The following RXRA variants were observed in gnomAD, a reference collection of about 807,000 sequenced individuals.
The protein encoded by RXRA is retinoid X receptor alpha, also known as retinoic acid receptor RXR-alpha.
In RXRA, 5 loss-of-function variants were observed where a neutral mutation model predicts 44.5. The observed-to-expected ratio is 0.11, with a 90% CI of 0.06 to 0.24. RXRA has a LOEUF of 0.24. Among genes scored for constraint, RXRA ranks in the 10% least tolerant of loss-of-function variants. The pLI is 1.00. For synonymous variants in RXRA, 291 were observed against 271.4 expected, an observed-to-expected ratio of 1.07 and a Z score of -0.71; for missense variants, 412 against 646.5, an observed-to-expected ratio of 0.64 and a Z score of 3.93.
chr9:134,347,303 G>A (rs1830164589), intron 1 of RXRA, among the ~76,000 whole-genome samples: 1 of 152,254 alleles, frequency 6.6e-6, no homozygotes, highest in South Asian at 2.1e-4. Context: ...TAATGAAAAT[G>A]TAAATTGCTG....
At chr9:134,379,594 C>CTG in intron 1 of RXRA, 1 of 985,450 alleles carries the variant, frequency 1.0e-6, no homozygotes, top group Non-Finnish European at 1.2e-6. Context: ...GGTGATGCTC[C>CTG]TGTGCTCCCT....
intron 5 of RXRA, among the ~76,000 whole-genome samples, chr9:134,420,709 C>T (rs1203552128): frequency 6.6e-6 from 1 of 152,228 alleles, no homozygotes; most frequent in African/African-American, 2.4e-5. Flanking sequence ...AGTCGTTATT[C>T]CTGCAGCGGC....
intron 1 of RXRA, among the ~76,000 whole-genome samples, chr9:134,371,704 G>A (rs1830493013): frequency 6.6e-6 from 1 of 152,190 alleles, no homozygotes; most frequent in Non-Finnish European, 1.5e-5. Context: ...CCTGGGGGTG[G>A]CGTGCGCCCC....
intron 1 of RXRA, among the ~76,000 whole-genome samples, chr9:134,388,963 G>A (rs556979533): frequency 2.6e-5 from 4 of 152,136 alleles, no homozygotes; most frequent in Admixed American, 1.3e-4. Flanking sequence ...CCTCTCCTTC[G>A]TGCTGGATGC....
At chr9:134,396,654 C>T (rs10858279) in intron 1 of RXRA, among the ~76,000 whole-genome samples, 80,505 of 151,950 alleles carry the variant, frequency 0.53, 23,265 homozygotes, top group East Asian at 0.73. Context: ...TCCCTCCTCC[C>T]GGGCACCCTG....
intron 1 of RXRA, among the ~76,000 whole-genome samples, chr9:134,356,995 T>C (rs950676745): frequency 1.3e-5 from 2 of 151,988 alleles, no homozygotes; most frequent in African/African-American, 4.8e-5. Context: ...CCCAGGAAGC[T>C]CAGAGGCCCC....
At position 134,417,369 on chromosome 9, in the gene RXRA, TCA is replaced by T. The variant is rs1831252557; in HGVS notation, c.780+43_780+44del. On this transcript the variant is annotated intron_variant, in intron 5 of 9. Transcript: ENST00000481739. The surrounding 1 kb of genome is among the most constrained non-coding windows in gnomAD (Gnocchi z 6.1). ...GCAGGGGTGGGCAGCCTCACATGCC[TCA>T]GTTTCCCTCACTCACTCACCCTCCC... is the stretch of plus-strand genomic sequence containing the variant. 4 of 1,594,566 alleles carry T rather than the reference TCA, an allele frequency of 2.5e-6. No homozygotes were observed. Among genetic ancestry groups the T allele is most frequent in the Admixed American group, 1.7e-5 (1 of 59,460 alleles).
chr9:134,384,979 A>C (rs1304470787), intron 1 of RXRA, among the ~76,000 whole-genome samples: 2 of 152,166 alleles, frequency 1.3e-5, no homozygotes, highest in African/African-American at 4.8e-5. Flanking sequence ...GCCTGTCCCC[A>C]GCACTGGTTG....
intron 6 of RXRA, chr9:134,425,446 C>T: frequency 1.0e-6 from 1 of 985,050 alleles, no homozygotes; most frequent in Non-Finnish European, 1.2e-6. Context: ...CCACCTGCCC[C>T]CTTCATCCCA....
At chr9:134,374,247 GC>G (rs1177739046) in intron 1 of RXRA, 4 of 152,322 alleles carry the variant, frequency 2.6e-5, no homozygotes, top group African/African-American at 9.6e-5. Context: ...ACCCAGATCC[GC>G]AGGCGGCGGC....
At chr9:134,382,632 CT>C (rs1424190432) in intron 1 of RXRA, among the ~76,000 whole-genome samples, 32 of 152,152 alleles carry the variant, frequency 2.1e-4, no homozygotes, top group African/African-American at 6.3e-4. Flanking sequence ...AGGGAGGGGC[CT>C]TTTGGGTTAC....
intron 1 of RXRA, among the ~76,000 whole-genome samples, chr9:134,369,465 C>T (rs1452930419): frequency 2.4e-5 from 2 of 82,462 alleles, no homozygotes; most frequent in Admixed American, 3.9e-4. Context: ...GTTGTGAGTG[C>T]GGGGGTTTTG....
At chr9:134,408,752 T>C (rs34365438) in intron 3 of RXRA, among the ~76,000 whole-genome samples, 188 bp from the exon 4 acceptor site, 15,087 of 152,254 alleles carry the variant, frequency 0.099, 2,433 homozygotes, top group African/African-American at 0.34. Flanking sequence ...GCCCCACTCC[T>C]AAGCTGTCCT....
rs1006332606 is a variant in RXRA, at chr9:134,439,752, C to T, written c.*3138C>T. ...AACATGTATGTGCTGTACAGAGAGA[C>T]GCGTGTGGAGAGAGCCGCACACCAG... On this transcript the variant is annotated 3_prime_UTR_variant, in exon 10 of 10. Coordinates refer to ENST00000481739, the MANE Select transcript of RXRA (RefSeq NM_002957.6). 2.6e-5 allele frequency: 4 copies of T among 152,282 alleles called. No individual in the cohort carries two copies. Among genetic ancestry groups the T allele is most frequent in the East Asian group, 1.9e-4 (1 of 5,202 alleles). 9.4% of individuals were successfully genotyped at this position (152,282 alleles called of 1,614,324 possible).
At chr9:134,399,175 AAGGTGGGTG>A (rs2119136816) in intron 1 of RXRA, among the ~76,000 whole-genome samples, 1 of 152,324 alleles carries the variant, frequency 6.6e-6, no homozygotes, top group African/African-American at 2.4e-5. Flanking sequence ...GGGTCAGCTG[AAGGTGGGTG>A]AGGTGGGGCT....
intron 1 of RXRA, among the ~76,000 whole-genome samples, chr9:134,347,625 C>A (rs782590071): frequency 1.3e-5 from 2 of 152,142 alleles, no homozygotes; most frequent in Non-Finnish European, 2.9e-5. Context: ...CACTGGCCAG[C>A]GTGGTTAGGG....
chr9:134,347,486 A>G (rs1432094514), intron 1 of RXRA, among the ~76,000 whole-genome samples: 2 of 152,156 alleles, frequency 1.3e-5, no homozygotes, highest in Non-Finnish European at 2.9e-5. Flanking sequence ...TCTGCCGAGC[A>G]GGAGGGGGGC....
At chr9:134,404,369 C>T in intron 2 of RXRA, 1 of 152,510 alleles carries the variant, frequency 6.6e-6, no homozygotes, top group South Asian at 2.1e-4. Flanking sequence ...TGAGCTGTCC[C>T]AAATCTCTTC....
Position 134,359,827 on chromosome 9 carries a change from C to T in RXRA, c.28+33168C>T, listed in dbSNP as rs117078113. ...CTGGGTAGGCTCTGGGCCCTGGTCC[C>T]AGCCCGTTTCCCCCAGGGGCTTTGC... On this transcript the variant is annotated intron_variant, in intron 1 of 9. Coordinates refer to ENST00000481739, the MANE Select transcript of RXRA (RefSeq NM_002957.6). Among the ~76,000 whole-genome samples the T allele has an allele frequency of 9.2e-5, 14 of 152,322 alleles. No individual in the cohort carries two copies. In the East Asian group the frequency reaches 2.7e-3, roughly 29 times the overall value.
Sources: allele counts gnomAD v4.1 joint callset (sites outside exome capture counted in the v4.1 genomes callset), GRCh38; gene constraint gnomAD v4.1.1; non-coding constraint Gnocchi (gnomAD v3.1); transcripts MANE v1.5; gene names NCBI Gene and HGNC (gene_info 2026-07-23, HGNC 2026-07-21).